MKLN1: variants seen among roughly 807,000 people sequenced by gnomAD.
MKLN1 encodes the protein muskelin.
MKLN1 carries 18 observed loss-of-function variants against 99.0 expected under a neutral mutation model. The ratio of observed to expected loss-of-function variants is 0.18; its 90% CI spans 0.13 to 0.27. The LOEUF is 0.27. MKLN1 is among the 10% of genes least tolerant of loss of function. The pLI is 1.00. For missense variants in MKLN1, 621 were observed against 875.9 expected (o/e 0.71, Z 3.67); for synonymous variants, 288 against 293.2 (o/e 0.98, Z 0.18).
chr7:131,449,031 T>C (rs991895521), intron 12 of MKLN1, among the ~76,000 whole-genome samples: 38 of 152,172 alleles, frequency 2.5e-4, no homozygotes, highest in African/African-American at 9.2e-4. Flanking sequence ...CTAAGTACTG[T>C]GAATAAAATA....
intron 5 of MKLN1, among the ~76,000 whole-genome samples, chr7:131,398,754 G>A (rs970335652): frequency 5.3e-5 from 8 of 151,900 alleles, no homozygotes; most frequent in African/African-American, 1.9e-4. Context: ...GTCATAAAAT[G>A]TGTTTGTAAA....
chr7:131,353,033 G>A (rs182725825), intron 1 of MKLN1, among the ~76,000 whole-genome samples: 2 of 152,146 alleles, frequency 1.3e-5, no homozygotes, highest in African/African-American at 2.4e-5. Context: ...TGAACATCTA[G>A]ATTGTTTCCA....
At chr7:131,370,821 T>C (rs1157114096) in intron 1 of MKLN1, among the ~76,000 whole-genome samples, 1 of 152,194 alleles carries the variant, frequency 6.6e-6, no homozygotes, top group Non-Finnish European at 1.5e-5. Context: ...AAGGAATTTA[T>C]GGTTCTTCTG....
chr7:131,453,000 C>T (rs1285488146), intron 12 of MKLN1, among the ~76,000 whole-genome samples: 1 of 152,142 alleles, frequency 6.6e-6, no homozygotes, highest in Non-Finnish European at 1.5e-5. Context: ...GGCTTCATTG[C>T]TGTCAGTTTA....
chr7:131,357,625 T>G (rs1350737485), intron 1 of MKLN1, among the ~76,000 whole-genome samples: 1 of 152,228 alleles, frequency 6.6e-6, no homozygotes, highest in African/African-American at 2.4e-5. Context: ...CAGTACTACT[T>G]TATTTATTTT....
intron 2 of MKLN1, among the ~76,000 whole-genome samples, chr7:131,185,927 G>A (rs767732837): frequency 1.3e-5 from 2 of 151,828 alleles, no homozygotes; most frequent in African/African-American, 2.4e-5. Flanking sequence ...GGGTGGTGGT[G>A]CAGGCCTGTA....
chr7:131,465,933 T>G (rs1482745285), intron 14 of MKLN1, among the ~76,000 whole-genome samples: 2 of 152,220 alleles, frequency 1.3e-5, no homozygotes, highest in Admixed American at 6.5e-5. Flanking sequence ...TGTTATATGA[T>G]CAATATTGTG....
intron 3 of MKLN1, among the ~76,000 whole-genome samples, chr7:131,273,650 G>T (rs1206682181): frequency 6.7e-6 from 1 of 149,868 alleles, no homozygotes; most frequent in Non-Finnish European, 1.5e-5. Context: ...TTTGTGACAG[G>T]GTCTCACTCT....
chr7:131,358,468 C>T (rs2116791732), intron 1 of MKLN1, among the ~76,000 whole-genome samples: 1 of 152,168 alleles, frequency 6.6e-6, no homozygotes, highest in East Asian at 1.9e-4. Context: ...CATCCATATT[C>T]ATAAGAGATT....
chr7:131,438,596 C>G (rs1795741048), intron 10 of MKLN1, among the ~76,000 whole-genome samples: 1 of 151,554 alleles, frequency 6.6e-6, no homozygotes, highest in African/African-American at 2.4e-5. Context: ...TTAGCCCCAT[C>G]ATTGTCATTA....
intron 3 of MKLN1, among the ~76,000 whole-genome samples, chr7:131,235,222 TTCTCTCTGTG>T (rs1425175616): frequency 1.3e-5 from 2 of 151,726 alleles, no homozygotes; most frequent in Non-Finnish European, 2.9e-5. Flanking sequence ...CTCTATCTCT[TTCTCTCTGTG>T]TCTCTCTCTC....
At chr7:131,164,253 A>G (rs139324676) in intron 2 of MKLN1, among the ~76,000 whole-genome samples, 1,843 of 152,252 alleles carry the variant, frequency 0.012, 19 homozygotes, top group Non-Finnish European at 0.019. Flanking sequence ...CTGGGACTAC[A>G]GGCACACACC....
At chr7:131,353,793 G>C (rs1436518398) in intron 1 of MKLN1, among the ~76,000 whole-genome samples, 1 of 146,596 alleles carries the variant, frequency 6.8e-6, no homozygotes, top group Non-Finnish European at 1.5e-5. Flanking sequence ...TTTTAATGAA[G>C]TATGAGTTTT....
intron 8 of MKLN1, among the ~76,000 whole-genome samples, chr7:131,428,194 TAAAG>T (rs1007692417): frequency 1.3e-5 from 2 of 151,816 alleles, no homozygotes; most frequent in African/African-American, 2.4e-5. Context: ...ATAATAAAAA[TAAAG>T]AAGGATCTAT....
intron 8 of MKLN1, among the ~76,000 whole-genome samples, chr7:131,426,479 T>G (rs763849559): frequency 6.6e-6 from 1 of 152,202 alleles, no homozygotes; most frequent in Non-Finnish European, 1.5e-5. Context: ...TGTCTGAGTA[T>G]TACTGTGTGC....
chr7:131,297,431 A>C (rs541518554), intron 3 of MKLN1, among the ~76,000 whole-genome samples: 2 of 127,006 alleles, frequency 1.6e-5, no homozygotes, highest in Admixed American at 8.2e-5. Context: ...GTGTGTGTAC[A>C]TACACACACA....
chr7:131,184,023 CTTT>C (rs370235057), intron 2 of MKLN1, among the ~76,000 whole-genome samples: 1 of 146,424 alleles, frequency 6.8e-6, no homozygotes, highest in African/African-American at 2.5e-5. Flanking sequence ...AGAAGAGTTA[CTTT>C]TTTTTTTTAA....
At chr7:131,423,387 CA>C (rs1191861795) in intron 8 of MKLN1, among the ~76,000 whole-genome samples, 5 of 152,138 alleles carry the variant, frequency 3.3e-5, no homozygotes, top group Non-Finnish European at 7.4e-5. Flanking sequence ...GGCTGGAGTG[CA>C]ATGGCACAGT....
chr7:131,217,890 T>A (rs1241338543), intron 3 of MKLN1, among the ~76,000 whole-genome samples: 2 of 152,102 alleles, frequency 1.3e-5, no homozygotes, highest in Non-Finnish European at 2.9e-5. Context: ...CCCAGAAAAG[T>A]CAATGCAAAA....
Sources: gnomAD v4.1 joint callset for allele counts (sites outside exome capture counted in the v4.1 genomes callset) on GRCh38, gnomAD v4.1.1 for gene constraint, MANE v1.5 for transcripts, NCBI Gene and HGNC (gene_info 2026-07-23, HGNC 2026-07-21) for gene names.